The following EIF4G3 variants were observed in gnomAD, a reference collection of about 807,000 sequenced individuals.
The protein encoded by EIF4G3 is eIF-4-gamma 3.
EIF4G3 carries 34 observed loss-of-function variants against 186.4 expected under a neutral mutation model. The ratio of observed to expected loss-of-function variants is 0.18; its 90% CI spans 0.14 to 0.24. The LOEUF is 0.24. EIF4G3 is among the 10% of genes least tolerant of loss of function. The pLI is 1.00. For synonymous variants in EIF4G3, 673 were observed against 679.5 expected, an observed-to-expected ratio of 0.99 and a Z score of 0.15; for missense variants, 1,536 against 1,948.5, an observed-to-expected ratio of 0.79 and a Z score of 3.99.
chr1:21,150,225 C>G (rs999099434), intron 2 of EIF4G3, among the ~76,000 whole-genome samples: 23 of 152,190 alleles, frequency 1.5e-4, no homozygotes, highest in Non-Finnish European at 2.6e-4. Context: ...GCTGCAGTCC[C>G]AGATGAAAGC....
intron 3 of EIF4G3, among the ~76,000 whole-genome samples, chr1:21,071,815 A>G (rs1262731079): frequency 6.6e-6 from 1 of 152,084 alleles, no homozygotes; most frequent in Admixed American, 6.6e-5. Flanking sequence ...CAAAAAAAAA[A>G]AAAGAGAGAG....
intron 17 of EIF4G3, 76 bp downstream of exon 17, chr1:20,895,292 A>G: frequency 6.7e-7 from 1 of 1,489,076 alleles, no homozygotes; most frequent in South Asian, 1.3e-5. Context: ...AACTGCTCAT[A>G]CTTCACATAT....
intron 16 of EIF4G3, among the ~76,000 whole-genome samples, chr1:20,898,941 G>C (rs1377815679): frequency 6.6e-6 from 1 of 152,108 alleles, no homozygotes; most frequent in East Asian, 1.9e-4. Flanking sequence ...TGTTGGTCAG[G>C]CTAGTCTCGA....
At chr1:20,902,126 C>T (rs1366501779) in intron 15 of EIF4G3, among the ~76,000 whole-genome samples, 4 of 150,676 alleles carry the variant, frequency 2.7e-5, no homozygotes, top group Admixed American at 1.3e-4. Flanking sequence ...GTCAGTGGCG[C>T]GATCTCGGCT....
chr1:21,009,718 G>A (rs1036213192), intron 4 of EIF4G3, among the ~76,000 whole-genome samples: 2 of 151,608 alleles, frequency 1.3e-5, no homozygotes, highest in African/African-American at 2.4e-5. Context: ...GCAGTGGCAC[G>A]ATCTCGGCTC....
At chr1:21,089,997 TA>T (rs1359038325) in intron 2 of EIF4G3, among the ~76,000 whole-genome samples, 1 of 152,200 alleles carries the variant, frequency 6.6e-6, no homozygotes, top group Non-Finnish European at 1.5e-5. Context: ...TAGTGCTACT[TA>T]AAATTCTAAT....
chr1:21,098,774 T>A (rs2096449052), intron 2 of EIF4G3, among the ~76,000 whole-genome samples: 1 of 151,966 alleles, frequency 6.6e-6, no homozygotes, highest in African/African-American at 2.4e-5. Context: ...GCTCAACCTG[T>A]AACTGGTATG....
chr1:21,115,740 CAG>C (rs1311018378), intron 2 of EIF4G3, among the ~76,000 whole-genome samples: 1 of 151,998 alleles, frequency 6.6e-6, no homozygotes, highest in Non-Finnish European at 1.5e-5. Flanking sequence ...TTTAAAGAAA[CAG>C]AGTCTCACTT....
At chr1:21,114,721 A>AT (rs1324820354) in intron 2 of EIF4G3, among the ~76,000 whole-genome samples, 5 of 149,164 alleles carry the variant, frequency 3.4e-5, no homozygotes, top group Non-Finnish European at 6.1e-5. Flanking sequence ...TAATAAAAAA[A>AT]ATTTTTTTTG....
intron 2 of EIF4G3, among the ~76,000 whole-genome samples, chr1:21,174,344 C>G (rs2098056995): frequency 6.6e-6 from 1 of 152,168 alleles, no homozygotes; most frequent in African/African-American, 2.4e-5. Context: ...TGAGAAAAAG[C>G]ATACTTGAAA....
At chr1:21,077,219 T>A (rs758817313) in intron 3 of EIF4G3, among the ~76,000 whole-genome samples, 1 of 151,966 alleles carries the variant, frequency 6.6e-6, no homozygotes, top group Non-Finnish European at 1.5e-5. Flanking sequence ...CAACATAGTG[T>A]GACCCCATAG....
chr1:20,894,736 A>C (rs2087348662), intron 17 of EIF4G3, among the ~76,000 whole-genome samples: 1 of 152,214 alleles, frequency 6.6e-6, no homozygotes, highest in South Asian at 2.1e-4. Flanking sequence ...CTTCAAGCTT[A>C]ATCATCAGCT....
At chr1:20,859,295 A>C (rs1557954967) in intron 24 of EIF4G3, among the ~76,000 whole-genome samples, 1 of 152,174 alleles carries the variant, frequency 6.6e-6, no homozygotes, top group African/African-American at 2.4e-5. Context: ...AATAAATAAA[A>C]GTTATTACCC....
intron 10 of EIF4G3, among the ~76,000 whole-genome samples, chr1:20,978,978 C>A (rs1230742938): frequency 6.6e-6 from 1 of 151,242 alleles, no homozygotes; most frequent in Non-Finnish European, 1.5e-5. Flanking sequence ...CTGAGACAAT[C>A]CCAATTTTAG....
At chr1:20,945,804 G>A (rs1470081206) in intron 13 of EIF4G3, among the ~76,000 whole-genome samples, 1 of 152,066 alleles carries the variant, frequency 6.6e-6, no homozygotes, top group African/African-American at 2.4e-5. Context: ...TTGTTTGTTT[G>A]TTTGTTTTTA....
At chr1:20,932,553 C>T (rs1041251609) in intron 14 of EIF4G3, among the ~76,000 whole-genome samples, 1 of 152,074 alleles carries the variant, frequency 6.6e-6, no homozygotes, top group African/African-American at 2.4e-5. Flanking sequence ...TTAGAAGTCA[C>T]TGCAGGGTTA....
intron 14 of EIF4G3, 117 bp downstream of exon 14, chr1:20,941,374 T>C: frequency 6.2e-7 from 1 of 1,606,408 alleles, no homozygotes; most frequent in Non-Finnish European, 8.5e-7. Flanking sequence ...AGACTAGGAA[T>C]TTCAGCATTC....
At chr1:21,011,220 AAAGG>A (rs2086970018) in intron 4 of EIF4G3, among the ~76,000 whole-genome samples, 1 of 151,828 alleles carries the variant, frequency 6.6e-6, no homozygotes, top group Non-Finnish European at 1.5e-5. Context: ...AAAAAAAAAA[AAAGG>A]AAAGAAAAAA....
intron 2 of EIF4G3, among the ~76,000 whole-genome samples, chr1:21,174,554 T>C (rs2103106189): frequency 6.6e-6 from 1 of 152,184 alleles, no homozygotes; most frequent in Middle Eastern, 3.4e-3. Flanking sequence ...CCTAACCGAG[T>C]ATAGGCAATC....
Sources: gnomAD v4.1 joint callset for allele counts (sites outside exome capture counted in the v4.1 genomes callset) on GRCh38, gnomAD v4.1.1 for gene constraint, MANE v1.5 for transcripts, NCBI Gene and HGNC (gene_info 2026-07-23, HGNC 2026-07-21) for gene names.